Variants in CCDC171 observed in about 807,000 individuals in gnomAD.
CCDC171 encodes coiled-coil domain-containing protein 171.
Under a neutral mutation model 168.2 loss-of-function variants are expected in CCDC171, and 177 were observed. The ratio of observed to expected loss-of-function variants is 1.05; its 90% confidence interval spans 0.93 to 1.19. CCDC171 has a LOEUF of 1.19. Ranked by LOEUF, CCDC171 falls within the 50% of genes most tolerant of loss-of-function variation. The probability of loss-of-function intolerance (pLI) is 0.00; values close to 1 mark genes in which losing one functional copy is unlikely to be tolerated. For missense variants in CCDC171, 1,991 were observed against 1,539.0 expected (o/e 1.29, Z -4.91); for synonymous variants, 687 against 540.8 (o/e 1.27, Z -3.75).
At chr9:15,649,965 C>T (rs2047375650) in intron 7 of CCDC171, among the ~76,000 whole-genome samples, 1 of 152,098 alleles carries the variant, frequency 6.6e-6, no homozygotes, top group African/African-American at 2.4e-5. Context: ...TTTATTGCGG[C>T]ACTATTCACA....
At chr9:15,638,294 G>A (rs962351844) in intron 7 of CCDC171, among the ~76,000 whole-genome samples, 12 of 152,088 alleles carry the variant, frequency 7.9e-5, no homozygotes, top group African/African-American at 2.6e-4. Flanking sequence ...TTGTATATTA[G>A]TTAGTATATT....
intron 6 of CCDC171, among the ~76,000 whole-genome samples, chr9:15,616,060 C>G (rs149061962): frequency 1.3e-5 from 2 of 152,320 alleles, no homozygotes; most frequent in East Asian, 3.9e-4. Flanking sequence ...AAGCGATTCT[C>G]TTGCCTCAGC....
At chr9:16,066,025 T>C (rs1238405935), downstream of CCDC171, among the ~76,000 whole-genome samples, 1 of 152,192 alleles carries the variant, frequency 6.6e-6, no homozygotes, top group East Asian at 1.9e-4. Flanking sequence ...CTTCTGATCC[T>C]TGACCCAATC....
At chr9:15,735,310 G>A (rs2054421675) in intron 16 of CCDC171, among the ~76,000 whole-genome samples, 1 of 152,062 alleles carries the variant, frequency 6.6e-6, no homozygotes, top group South Asian at 2.1e-4. Flanking sequence ...AAGTATCTGG[G>A]CCCAGTGCCA....
chr9:16,013,597 C>T (rs1832935142), intron 3 of CCDC171, among the ~76,000 whole-genome samples: 1 of 152,204 alleles, frequency 6.6e-6, no homozygotes, highest in African/African-American at 2.4e-5. Flanking sequence ...CCCTCTCTGA[C>T]CCGTACCTAC....
chr9:15,729,857 C>CTT, intron 16 of CCDC171, 59 bp downstream of exon 16: 143 of 1,191,750 alleles, frequency 1.2e-4, no homozygotes, highest in Middle Eastern at 2.2e-4. Flanking sequence ...CCATTAGAAA[C>CTT]TTTTTTTTTT....
At chr9:15,925,403 G>C (rs1038033348) in intron 25 of CCDC171, among the ~76,000 whole-genome samples, 1 of 151,654 alleles carries the variant, frequency 6.6e-6, no homozygotes, top group Admixed American at 6.6e-5. Flanking sequence ...AGAAAGACCA[G>C]TGTGGCTGGC....
At chr9:16,080,572 G>T in the CCDC171 span, among the ~76,000 whole-genome samples, 2 of 152,214 alleles carry the variant, frequency 1.3e-5, no homozygotes, top group East Asian at 3.9e-4. Flanking sequence ...GACCTTCCCC[G>T]GGTGATGCAG....
At chr9:15,562,021 G>A (rs972281371) in intron 1 of CCDC171, among the ~76,000 whole-genome samples, 1 of 151,730 alleles carries the variant, frequency 6.6e-6, no homozygotes, top group Admixed American at 6.6e-5. Context: ...TTAAGATGGA[G>A]TCTTACTCTG....
chr9:15,918,720 C>T (rs960446032), intron 24 of CCDC171, among the ~76,000 whole-genome samples: 2 of 151,616 alleles, frequency 1.3e-5, no homozygotes, highest in South Asian at 2.1e-4. Context: ...TTGTGTACTT[C>T]ACCCTTTTAT....
chr9:15,600,644 C>G (rs1000018221), intron 6 of CCDC171, among the ~76,000 whole-genome samples: 2 of 152,184 alleles, frequency 1.3e-5, no homozygotes, highest in Non-Finnish European at 2.9e-5. Context: ...GCTGGGAGAA[C>G]TGCTACTCTC....
the CCDC171 span, among the ~76,000 whole-genome samples, chr9:16,090,787 A>G: frequency 6.6e-6 from 1 of 152,194 alleles, no homozygotes; most frequent in Non-Finnish European, 1.5e-5. Flanking sequence ...TCTGATATAA[A>G]GAGACTCTTA....
chr9:15,980,536 G>A (rs1384288374), intron 3 of CCDC171, among the ~76,000 whole-genome samples: 1 of 151,976 alleles, frequency 6.6e-6, no homozygotes, highest in African/African-American at 2.4e-5. Flanking sequence ...TATAATTAGG[G>A]TTTTCTCTCA....
downstream of CCDC171, among the ~76,000 whole-genome samples, chr9:15,975,999 G>A (rs1033612253): frequency 6.6e-6 from 1 of 152,136 alleles, no homozygotes; most frequent in Non-Finnish European, 1.5e-5. Flanking sequence ...AAGGTGATAC[G>A]ATGATGGAAG....
chr9:15,576,339 C>T (rs1027789932), intron 3 of CCDC171, among the ~76,000 whole-genome samples: 27 of 151,928 alleles, frequency 1.8e-4, no homozygotes, highest in African/African-American at 6.0e-4. Context: ...TGTGCCATCA[C>T]ACCTGGCTAA....
At chr9:15,714,629 T>G (rs929528539) in intron 11 of CCDC171, among the ~76,000 whole-genome samples, 1 of 152,166 alleles carries the variant, frequency 6.6e-6, no homozygotes, top group Non-Finnish European at 1.5e-5. Flanking sequence ...TGGTTGCATG[T>G]TTCTTTGAGG....
intron 24 of CCDC171, among the ~76,000 whole-genome samples, chr9:15,888,244 A>G (rs1325976873): frequency 6.6e-6 from 1 of 152,194 alleles, no homozygotes; most frequent in Non-Finnish European, 1.5e-5. Context: ...TCACATCCTG[A>G]CTTAATTTTT....
intron 21 of CCDC171, among the ~76,000 whole-genome samples, chr9:15,810,107 T>G (rs940147702): frequency 1.3e-5 from 2 of 149,926 alleles, no homozygotes; most frequent in African/African-American, 4.9e-5. Flanking sequence ...ATTGGTGCAT[T>G]TACAATCCCT....
chr9:15,872,227 G>GT (rs571882567), intron 23 of CCDC171, among the ~76,000 whole-genome samples: 4 of 151,880 alleles, frequency 2.6e-5, no homozygotes, highest in Middle Eastern at 3.4e-3. Flanking sequence ...CATTTTGCAA[G>GT]TTTTTTTTAT....
Sources: allele counts gnomAD v4.1 joint callset (sites outside exome capture counted in the v4.1 genomes callset), GRCh38; gene constraint gnomAD v4.1.1; transcripts MANE v1.5; gene names NCBI Gene and HGNC (gene_info 2026-07-23, HGNC 2026-07-21).